The following AGFG1 variants were observed in gnomAD, a reference collection of about 807,000 sequenced individuals.
AGFG1 encodes arf-GAP domain and FG repeat-containing protein 1.
In AGFG1, 10 loss-of-function variants were observed where a neutral mutation model predicts 60.6. The ratio of observed to expected loss-of-function variants is 0.16; its 90% CI spans 0.10 to 0.28. AGFG1 has a LOEUF of 0.28. Ranked by LOEUF, AGFG1 falls within the 10% of genes least tolerant of loss-of-function variation. AGFG1 has a pLI of 1.00. For synonymous variants in AGFG1, 247 were observed against 242.9 expected (o/e 1.02, Z -0.16); for missense variants, 537 against 676.5 (o/e 0.79, Z 2.29).
At chr2:227,529,655 A>G (rs1412624772) in intron 5 of AGFG1, among the ~76,000 whole-genome samples, 1 of 152,106 alleles carries the variant, frequency 6.6e-6, no homozygotes, top group Non-Finnish European at 1.5e-5. Flanking sequence ...GAATTTGGTT[A>G]TTTTGCCTGA....
rs1553540677 is a variant in AGFG1, at chr2:227,496,121, A to AAAG, written c.261+4483_261+4484insGAA. ...GAGTGAGACTGTCTCAAAAAAAAAAAAAAGAAAAAAAAAGAAGACATTATT... is the reference window on the plus strand; with the variant it reads ...GAGTGAGACTGTCTCAAAAAAAAAAAAAGAAAGAAAAAAAAAGAAGACATTATT... On this transcript the variant is annotated intron_variant, in intron 2 of 12. Coordinates refer to ENST00000310078, the MANE Select transcript of AGFG1 (RefSeq NM_004504.5). 1.2e-3 allele frequency among the ~76,000 whole-genome samples: 165 copies of AAAG among 142,956 alleles called. 5 individuals carry two copies. Among genetic ancestry groups the AAAG allele is most frequent in the Non-Finnish European group, 1.3e-3 (89 of 66,394 alleles). 93.8% of individuals were successfully genotyped at this position (142,956 alleles called of 152,430 possible). A position where few individuals can be genotyped will look rare whatever the true frequency, so the allele number is the denominator to read the frequency against.
chr2:227,485,321 C>T (rs936986521), intron 1 of AGFG1, among the ~76,000 whole-genome samples: 2 of 146,918 alleles, frequency 1.4e-5, no homozygotes, highest in Non-Finnish European at 3.0e-5. Flanking sequence ...ACTGCAACCT[C>T]CAACTCCCAG....
chr2:227,494,135 T>C (rs558069406), intron 2 of AGFG1, among the ~76,000 whole-genome samples: 3 of 152,342 alleles, frequency 2.0e-5, no homozygotes, highest in Non-Finnish European at 4.4e-5. Context: ...TTCTTTACAG[T>C]ATTAACAGTA....
Position 227,524,924 on chromosome 2 carries a change from T to A in AGFG1, c.694+9T>A. On this transcript the variant is annotated intron_variant, in intron 5 of 12. Coordinates refer to ENST00000310078, the MANE Select transcript of AGFG1 (RefSeq NM_004504.5). ...TTTCAACAGTCATGCAGGTAAGTGT[T>A]TTTTCCCAACAGCTTTTGCTGGGGA... 6.2e-7 allele frequency: 1 copy of A among 1,613,516 alleles called. No homozygotes were observed. Among genetic ancestry groups the A allele is most frequent in the Non-Finnish European group, 8.5e-7 (1 of 1,179,496 alleles).
intron 1 of AGFG1, among the ~76,000 whole-genome samples, chr2:227,473,320 A>G (rs1690175346): frequency 6.6e-6 from 1 of 152,016 alleles, no homozygotes; most frequent in Non-Finnish European, 1.5e-5. Flanking sequence ...GTCCGAAGAG[A>G]GTGTTGAGGA....
At chr2:227,517,913 T>G (rs1338747703) in intron 2 of AGFG1, among the ~76,000 whole-genome samples, 1 of 152,204 alleles carries the variant, frequency 6.6e-6, no homozygotes, top group Non-Finnish European at 1.5e-5. Flanking sequence ...AGTTTTGACA[T>G]TTGTATGTAT....
chr2:227,559,040 A>G lies in AGFG1; in HGVS notation c.*4545A>G, dbSNP rs1693058254. On this transcript the variant is annotated 3_prime_UTR_variant, in exon 13 of 13. Coordinates refer to ENST00000310078, the MANE Select transcript of AGFG1 (RefSeq NM_004504.5). ...GTTTATTTTTAGAGATATACTGGGCACTGAGGTATTTAATCTGCAAAGACC... is the reference window on the plus strand; with the variant it reads ...GTTTATTTTTAGAGATATACTGGGCGCTGAGGTATTTAATCTGCAAAGACC... 1 of 152,184 alleles carries G rather than the reference A, an allele frequency of 6.6e-6. No homozygotes were observed. Among genetic ancestry groups the G allele is most frequent in the Non-Finnish European group, 1.5e-5 (1 of 68,014 alleles). 9.4% of individuals were successfully genotyped at this position (152,184 alleles called of 1,614,324 possible).
At chr2:227,478,750 G>A (rs1185665050) in intron 1 of AGFG1, among the ~76,000 whole-genome samples, 1 of 152,136 alleles carries the variant, frequency 6.6e-6, no homozygotes, top group East Asian at 1.9e-4. Flanking sequence ...GACTCATGCT[G>A]TACTATTTAT....
chr2:227,496,217 T>A (rs1470202702), intron 2 of AGFG1, among the ~76,000 whole-genome samples: 1 of 152,062 alleles, frequency 6.6e-6, no homozygotes, highest in Admixed American at 6.6e-5. Flanking sequence ...TTTGATTATC[T>A]CTATACTGGA....
chr2:227,490,955 C>G (rs1236881265), intron 1 of AGFG1, among the ~76,000 whole-genome samples: 1 of 152,138 alleles, frequency 6.6e-6, no homozygotes, highest in Non-Finnish European at 1.5e-5. Flanking sequence ...GCAGTTTCCT[C>G]TTGTACACAC....
At chr2:227,545,361 A>G (rs1692613671) in intron 10 of AGFG1, among the ~76,000 whole-genome samples, 2 of 152,208 alleles carry the variant, frequency 1.3e-5, no homozygotes, top group South Asian at 4.1e-4. Flanking sequence ...CCATTCGTCT[A>G]ATCTTTCTTC....
In AGFG1 at chr2:227,555,413, A is replaced by G. The variant is rs545439557; in HGVS notation, c.*918A>G. On this transcript the variant is annotated 3_prime_UTR_variant, in exon 13 of 13. Coordinates refer to ENST00000310078, the MANE Select transcript of AGFG1 (RefSeq NM_004504.5). ...GAATTTGCATGTATGTGTATTTACA[A>G]ATTTTTCTAAGTATCTTGAATTCTC... 1 of 152,696 alleles carries G rather than the reference A, an allele frequency of 6.5e-6. No homozygotes were observed. Among genetic ancestry groups the G allele is most frequent in the East Asian group, 1.9e-4 (1 of 5,194 alleles). 9.5% of individuals were successfully genotyped at this position (152,696 alleles called of 1,614,324 possible).
chr2:227,516,325 T>A (rs1226873949), intron 2 of AGFG1, among the ~76,000 whole-genome samples: 2 of 152,194 alleles, frequency 1.3e-5, no homozygotes, highest in Non-Finnish European at 2.9e-5. Flanking sequence ...GCTTGCTGAT[T>A]TACGGAACTG....
At chr2:227,534,318 G>T (rs1043290158) in intron 7 of AGFG1, among the ~76,000 whole-genome samples, 1 of 151,992 alleles carries the variant, frequency 6.6e-6, no homozygotes, top group East Asian at 1.9e-4. Context: ...TCCAAAATGA[G>T]GATAATTCTA....
intron 8 of AGFG1, among the ~76,000 whole-genome samples, chr2:227,535,255 C>T (rs1365202753): frequency 2.6e-5 from 4 of 152,170 alleles, no homozygotes; most frequent in African/African-American, 9.7e-5. Context: ...TCCTTGAACA[C>T]TAAACCGTAT....
At chr2:227,478,970 C>T (rs949711025) in intron 1 of AGFG1, among the ~76,000 whole-genome samples, 5 of 151,998 alleles carry the variant, frequency 3.3e-5, no homozygotes, top group Admixed American at 3.3e-4. Flanking sequence ...TTCACTTAAA[C>T]TATATACTTA....
chr2:227,546,098 C>T (rs4972902), intron 10 of AGFG1, among the ~76,000 whole-genome samples: 90,921 of 152,088 alleles, frequency 0.6, 27,279 homozygotes, highest in South Asian at 0.7. Flanking sequence ...GTGGTGGAGT[C>T]TATAGAGGCA....
At chr2:227,529,071 C>T (rs1214300573) in intron 5 of AGFG1, among the ~76,000 whole-genome samples, 1 of 151,842 alleles carries the variant, frequency 6.6e-6, no homozygotes, top group Non-Finnish European at 1.5e-5. Context: ...CTTTATTTGA[C>T]TTTTGGTTTC....
At chr2:227,487,325 A>G (rs1044793554) in intron 1 of AGFG1, among the ~76,000 whole-genome samples, 4 of 152,028 alleles carry the variant, frequency 2.6e-5, no homozygotes. Flanking sequence ...ATAGAAAAAA[A>G]TTCATTCGAT....
Sources: allele counts gnomAD v4.1 joint callset (sites outside exome capture counted in the v4.1 genomes callset), GRCh38; gene constraint gnomAD v4.1.1; transcripts MANE v1.5; gene names NCBI Gene and HGNC (gene_info 2026-07-23, HGNC 2026-07-21).